The following PLGRKT variants were observed in gnomAD, a reference collection of about 807,000 sequenced individuals.
PLGRKT encodes the protein plasminogen receptor (KT).
Under a neutral mutation model 18.5 loss-of-function variants are expected in PLGRKT, and 22 were observed. That is an observed-to-expected ratio of 1.19 (90% CI 0.85 to 1.70). PLGRKT has a LOEUF of 1.70. PLGRKT is among the 40% of genes most tolerant of loss of function. The probability of loss-of-function intolerance (pLI) is 0.00; values close to 1 mark genes in which losing one functional copy is unlikely to be tolerated. For synonymous variants in PLGRKT, 72 were observed against 52.8 expected (o/e 1.36, Z -1.58); for missense variants, 235 against 174.4 (o/e 1.35, Z -1.96).
rs1818518063 is a variant in PLGRKT, at chr9:5,418,906, GC to G, written c.81+12990del. ...GGTGTGCTTGCAATCCAGCAACTTG[GC>G]CTTCACTAGGGGCTGCAGTAATTAA... is the stretch of plus-strand genomic sequence containing the variant. On this transcript the variant is annotated intron_variant, in intron 3 of 5. Coordinates refer to ENST00000223864, the MANE Select transcript of PLGRKT (RefSeq NM_018465.4). The surrounding 1 kb of genome is among the most constrained non-coding windows in gnomAD (Gnocchi z 4.2). The G allele has an allele frequency of 1.1e-6, 1 of 902,324 alleles. No individual in the cohort carries two copies. Among genetic ancestry groups the G allele is most frequent in the Non-Finnish European group, 1.8e-6 (1 of 557,888 alleles). 55.9% of individuals were successfully genotyped at this position (902,324 alleles called of 1,614,324 possible). A position where few individuals can be genotyped will look rare whatever the true frequency, so the allele number is the denominator to read the frequency against.
chr9:5,418,363 C>A lies in PLGRKT; in HGVS notation c.81+13534G>T. The A allele has an allele frequency of 1.4e-6, 1 of 725,926 alleles. No individual in the cohort carries two copies. The highest frequency in any genetic ancestry group is 2.5e-6 in the Non-Finnish European group (1 of 406,668). 45.0% of individuals were successfully genotyped at this position (725,926 alleles called of 1,614,324 possible). A position where few individuals can be genotyped will look rare whatever the true frequency, so the allele number is the denominator to read the frequency against. ...CACCCACAAGAGACTTCCCTGCAGC[C>A]CTCTCCAGCCACAAGATGTCACAGT... On this transcript the variant is annotated intron_variant, in intron 3 of 5. Transcript: ENST00000223864. This position sits in a 1 kb window ranked among gnomAD's most constrained non-coding sequence, Gnocchi z 4.2.
intron 3 of PLGRKT, among the ~76,000 whole-genome samples, chr9:5,384,435 C>CTA (rs1817804357): frequency 6.6e-6 from 1 of 152,064 alleles, no homozygotes; most frequent in African/African-American, 2.4e-5. Flanking sequence ...GTAGTGCATG[C>CTA]TATATATCAT....
At chr9:5,424,603 ATATATTATTTAT>A (rs1466933551) in intron 3 of PLGRKT, among the ~76,000 whole-genome samples, 3 of 132,188 alleles carry the variant, frequency 2.3e-5, no homozygotes, top group Non-Finnish European at 4.6e-5. Context: ...CAGTAATATA[ATATATTATTTAT>A]TATATTATAT....
chr9:5,413,578 C>A (rs1162963374), intron 3 of PLGRKT, among the ~76,000 whole-genome samples: 2 of 152,064 alleles, frequency 1.3e-5, no homozygotes, highest in Non-Finnish European at 2.9e-5. Flanking sequence ...GGCCCATGAG[C>A]CAAGGAATGC....
At chr9:5,389,991 G>T (rs1437695335) in intron 3 of PLGRKT, among the ~76,000 whole-genome samples, 1 of 151,716 alleles carries the variant, frequency 6.6e-6, no homozygotes, top group African/African-American at 2.4e-5. Flanking sequence ...AGGAAGGTTG[G>T]TACATCATGT....
chr9:5,413,147 G>T (rs916936509), intron 3 of PLGRKT, among the ~76,000 whole-genome samples: 1 of 152,184 alleles, frequency 6.6e-6, no homozygotes, highest in Non-Finnish European at 1.5e-5. Flanking sequence ...CTTCTGAAGA[G>T]AAACGTAGCA....
chr9:5,379,478 C>T (rs900065777), intron 3 of PLGRKT, among the ~76,000 whole-genome samples: 2 of 151,976 alleles, frequency 1.3e-5, no homozygotes, highest in Non-Finnish European at 2.9e-5. Flanking sequence ...TTCCAGTGTT[C>T]AACAGCCACA....
chr9:5,395,884 A>T (rs1313736483), intron 3 of PLGRKT, among the ~76,000 whole-genome samples: 1 of 134,728 alleles, frequency 7.4e-6, no homozygotes. Context: ...CCTCTAACCT[A>T]ACAGTTTTTT....
intron 5 of PLGRKT, among the ~76,000 whole-genome samples, chr9:5,359,743 A>G (rs1189028674): frequency 6.6e-6 from 1 of 152,238 alleles, no homozygotes; most frequent in Non-Finnish European, 1.5e-5. Flanking sequence ...AAAATTTCCT[A>G]TTAAATTTCT....
At chr9:5,377,398 C>T (rs1475105) in intron 3 of PLGRKT, among the ~76,000 whole-genome samples, 143,545 of 152,162 alleles carry the variant, frequency 0.94, 67,806 homozygotes, top group East Asian at 1. Flanking sequence ...CTAAAAAATA[C>T]ATTAAAAAGG....
chr9:5,421,084 A>G (rs1818567269), intron 3 of PLGRKT, among the ~76,000 whole-genome samples: 1 of 152,176 alleles, frequency 6.6e-6, no homozygotes, highest in East Asian at 1.9e-4. Context: ...CACTCAGAAT[A>G]CATTTCAAAA....
chr9:5,412,371 C>G (rs578066570), intron 3 of PLGRKT, among the ~76,000 whole-genome samples: 3 of 152,198 alleles, frequency 2.0e-5, no homozygotes, highest in Non-Finnish European at 2.9e-5. Flanking sequence ...ATGTGTCCCC[C>G]CAAAGTTCAT....
In PLGRKT at chr9:5,418,344, C is replaced by T. The variant is rs1184158182; in HGVS notation, c.81+13553G>A. On this transcript the variant is annotated intron_variant, in intron 3 of 5. Transcript: ENST00000223864. The surrounding 1 kb of genome is among the most constrained non-coding windows in gnomAD (Gnocchi z 4.2). ...TGCTCAACCCCTAAGTTGGCACCCA[C>T]AAGAGACTTCCCTGCAGCCCTCTCC... 3.0e-5 allele frequency: 20 copies of T among 668,070 alleles called. No individual in the cohort carries two copies. Among genetic ancestry groups the T allele is most frequent in the South Asian group, 2.9e-4 (18 of 61,752 alleles). The allele number at this position is 668,070 out of a possible 1,614,324, so 41.4% of individuals were successfully genotyped here.
intron 3 of PLGRKT, among the ~76,000 whole-genome samples, chr9:5,395,629 T>C (rs1351405372): frequency 2.6e-5 from 4 of 151,946 alleles, no homozygotes; most frequent in Non-Finnish European, 5.9e-5. Context: ...AATTCCTTTG[T>C]ATAATGATCT....
chr9:5,380,853 T>C (rs1243138300), intron 3 of PLGRKT, among the ~76,000 whole-genome samples: 1 of 152,138 alleles, frequency 6.6e-6, no homozygotes, highest in Non-Finnish European at 1.5e-5. Context: ...TCATCTCAAA[T>C]TGTAATCCCT....
intron 3 of PLGRKT, among the ~76,000 whole-genome samples, chr9:5,417,561 T>C (rs1057265303): frequency 6.7e-6 from 1 of 150,020 alleles, no homozygotes; most frequent in Non-Finnish European, 1.5e-5. Flanking sequence ...CAAGGGACAC[T>C]GTCAAGAGAA....
At chr9:5,361,246 G>C in intron 4 of PLGRKT, 59 bp from the exon 5 acceptor site, 1 of 928,184 alleles carries the variant, frequency 1.1e-6, no homozygotes, top group East Asian at 2.5e-5. Context: ...ATACATATCT[G>C]TATACTTAAA....
At chr9:5,414,086 G>T (rs889606596) in intron 3 of PLGRKT, among the ~76,000 whole-genome samples, 3 of 152,172 alleles carry the variant, frequency 2.0e-5, no homozygotes, top group African/African-American at 7.2e-5. Context: ...ATAGAGGAAG[G>T]GTGGGAACAG....
rs181294727 is a variant in PLGRKT, at chr9:5,421,071, C to T, written c.81+10826G>A. Among the ~76,000 whole-genome samples the T allele has an allele frequency of 8.5e-5, 13 of 152,338 alleles. No homozygotes were observed. The East Asian group carries it at 1.9e-3, about 23-fold the overall frequency. ...CTCAAAACCCTTTAATGGCTTCCCA[C>T]GTCACTCAGAATACATTTCAAAACA... On this transcript the variant is annotated intron_variant, in intron 3 of 5. Transcript: ENST00000223864.
Sources: allele counts gnomAD v4.1 joint callset (sites outside exome capture counted in the v4.1 genomes callset), GRCh38; gene constraint gnomAD v4.1.1; non-coding constraint Gnocchi (gnomAD v3.1); transcripts MANE v1.5; gene names NCBI Gene and HGNC (gene_info 2026-07-23, HGNC 2026-07-21).